SPA17: variants seen among roughly 807,000 people sequenced by gnomAD.
The protein encoded by SPA17 is sperm surface protein Sp17.
Under a neutral mutation model 13.8 loss-of-function variants are expected in SPA17, and 7 were observed. The ratio of observed to expected loss-of-function variants is 0.51; its 90% CI spans 0.29 to 0.95. The LOEUF is 0.95. SPA17 is among the 40% of genes least tolerant of loss of function. The probability of loss-of-function intolerance (pLI) is 0.08; values close to 1 mark genes in which losing one functional copy is unlikely to be tolerated. For missense variants in SPA17, 170 were observed against 179.3 expected, an observed-to-expected ratio of 0.95 and a Z score of 0.30; for synonymous variants, 61 against 59.0, an observed-to-expected ratio of 1.03 and a Z score of -0.16.
chr11:124,678,333 T>C (rs1943493911), intron 2 of SPA17, among the ~76,000 whole-genome samples: 1 of 152,136 alleles, frequency 6.6e-6, no homozygotes, highest in African/African-American at 2.4e-5. Context: ...CTTAGTGTGC[T>C]ACCATTTTTT....
chr11:124,690,630 G>T (rs1335243302), intron 3 of SPA17, among the ~76,000 whole-genome samples: 1 of 151,938 alleles, frequency 6.6e-6, no homozygotes, highest in Admixed American at 6.5e-5. Flanking sequence ...AAAAGAAAAA[G>T]AAGAAATTCA....
chr11:124,675,380 C>A lies in SPA17; in HGVS notation c.116C>A (p.Ala39Glu). 1 of 1,614,058 alleles carries A rather than the reference C, an allele frequency of 6.2e-7. No individual in the cohort carries two copies. Among genetic ancestry groups the A allele is most frequent in the Admixed American group, 1.7e-5 (1 of 59,976 alleles). The change falls in exon 2 of 5, where the codon GCA (alanine) becomes GAA (glutamate). Residue 39 changes from alanine (A) to glutamate (E), a missense_variant. Coordinates refer to ENST00000227135, the MANE Select transcript of SPA17 (RefSeq NM_017425.4). ...REQPDNIPAF[A>E]AAYFESLLEK... ...CAACCGGACAATATACCAGCTTTTG[C>A]AGCAGCCTATTTTGAGAGCCTTCTA...
intron 3 of SPA17, among the ~76,000 whole-genome samples, chr11:124,689,733 G>T (rs545377642): frequency 2.2e-4 from 33 of 151,644 alleles, no homozygotes; most frequent in Non-Finnish European, 3.4e-4. Context: ...ACTCCAGCCT[G>T]GGCAACAGAG....
At chr11:124,679,412 G>A (rs1341367001) in intron 2 of SPA17, among the ~76,000 whole-genome samples, 2 of 151,958 alleles carry the variant, frequency 1.3e-5, no homozygotes, top group East Asian at 1.9e-4. Context: ...GTAGAACAAA[G>A]CAAGTAAGCA....
chr11:124,694,265 A>G (rs1456506554), intron 4 of SPA17, 38 bp from the exon 5 acceptor site: 8 of 1,594,048 alleles, frequency 5.0e-6, no homozygotes, highest in Non-Finnish European at 6.8e-6. Flanking sequence ...ACTACGCCAT[A>G]TTTAAAGAGT....
intron 3 of SPA17, among the ~76,000 whole-genome samples, chr11:124,687,275 G>C (rs1011010694): frequency 6.6e-6 from 1 of 151,914 alleles, no homozygotes; most frequent in African/African-American, 2.4e-5. Flanking sequence ...CGAGTAGCAA[G>C]ATTGATTCCA....
chr11:124,678,784 T>A (rs973773539), intron 2 of SPA17, among the ~76,000 whole-genome samples: 2 of 151,982 alleles, frequency 1.3e-5, no homozygotes, highest in Non-Finnish European at 1.5e-5. Flanking sequence ...TCGAGGCTGG[T>A]CTTGAACTCC....
chr11:124,693,702 G>A (rs373704273), intron 4 of SPA17, among the ~76,000 whole-genome samples: 1 of 152,106 alleles, frequency 6.6e-6, no homozygotes, highest in East Asian at 1.9e-4. Context: ...TCAATTGTAC[G>A]CTGAAGATTC....
chr11:124,681,969 G>A (rs558176876), intron 3 of SPA17, among the ~76,000 whole-genome samples: 8 of 152,148 alleles, frequency 5.3e-5, no homozygotes, highest in African/African-American at 9.6e-5. Context: ...ACAAAAGACC[G>A]GTTAGAATTA....
intron 2 of SPA17, chr11:124,676,285 A>ACTC (rs1943463852): frequency 6.6e-6 from 1 of 152,084 alleles, no homozygotes; most frequent in South Asian, 2.1e-4. Context: ...TAGCCACTGC[A>ACTC]CTCCATCCTG....
At chr11:124,678,546 G>GTGTT (rs1943496602) in intron 2 of SPA17, among the ~76,000 whole-genome samples, 1 of 151,748 alleles carries the variant, frequency 6.6e-6, no homozygotes, top group Non-Finnish European at 1.5e-5. Context: ...GTGTGTGTGT[G>GTGTT]TGTTTGTGTG....
intron 3 of SPA17, among the ~76,000 whole-genome samples, chr11:124,684,266 A>ATT (rs578226081): frequency 8.2e-4 from 120 of 146,922 alleles, no homozygotes; most frequent in East Asian, 8.1e-3. Flanking sequence ...TAATACAGTA[A>ATT]TTTTTTTTTT....
intron 2 of SPA17, among the ~76,000 whole-genome samples, chr11:124,677,927 C>T (rs1275522607): frequency 6.6e-6 from 1 of 152,222 alleles, no homozygotes; most frequent in African/African-American, 2.4e-5. Flanking sequence ...CAAAACTACA[C>T]TGAGCTACCA....
intron 4 of SPA17, among the ~76,000 whole-genome samples, chr11:124,692,929 ACTTCCTAC>A (rs1943637189): frequency 6.6e-6 from 1 of 152,198 alleles, no homozygotes; most frequent in African/African-American, 2.4e-5. Context: ...GGAATACCCT[ACTTCCTAC>A]CTAGTGATGC....
intron 2 of SPA17, among the ~76,000 whole-genome samples, chr11:124,679,163 A>G (rs1365450524): frequency 2.0e-5 from 3 of 152,020 alleles, no homozygotes; most frequent in Admixed American, 2.0e-4. Flanking sequence ...AATTTCTAAA[A>G]TGTAAAAGCA....
chr11:124,693,413 A>G (rs773560297), intron 4 of SPA17, among the ~76,000 whole-genome samples: 1 of 152,084 alleles, frequency 6.6e-6, no homozygotes, highest in Non-Finnish European at 1.5e-5. Flanking sequence ...GAGAACCAAG[A>G]TATATCGTTA....
chr11:124,691,663 A>G lies in SPA17; in HGVS notation c.226-33A>G, dbSNP rs554797011. ...TACAAGACTTTGCCATTTTGGAAAC[A>G]TTGCTAATTGTGGCTCTCTCCTATC... On this transcript the variant is annotated intron_variant, in intron 3 of 4. Coordinates refer to ENST00000227135, the MANE Select transcript of SPA17 (RefSeq NM_017425.4). The G allele has an allele frequency of 2.0e-6, 3 of 1,481,490 alleles. No homozygotes were observed. In the South Asian group the frequency reaches 3.8e-5, roughly 19 times the overall value. 91.8% of individuals were successfully genotyped at this position (1,481,490 alleles called of 1,614,324 possible). A position where few individuals can be genotyped will look rare whatever the true frequency, so the allele number is the denominator to read the frequency against.
intron 3 of SPA17, among the ~76,000 whole-genome samples, chr11:124,685,082 A>G (rs940697358): frequency 6.6e-6 from 1 of 152,264 alleles, no homozygotes; most frequent in Non-Finnish European, 1.5e-5. Flanking sequence ...TTAATCACCA[A>G]GACAATGGGG....
At chr11:124,682,507 A>T (rs1381694621) in intron 3 of SPA17, among the ~76,000 whole-genome samples, 3 of 152,192 alleles carry the variant, frequency 2.0e-5, no homozygotes, top group African/African-American at 7.2e-5. Flanking sequence ...ACAATTCAGG[A>T]TATAAATGAA....
Sources: gnomAD v4.1 joint callset for allele counts (sites outside exome capture counted in the v4.1 genomes callset) on GRCh38, gnomAD v4.1.1 for gene constraint, MANE v1.5 for transcripts, NCBI Gene and HGNC (gene_info 2026-07-23, HGNC 2026-07-21) for gene names.